The following PHACTR4 variants were observed in gnomAD, a reference collection of about 807,000 sequenced individuals.
PHACTR4 encodes protein phosphatase 1, regulatory subunit 124.
A neutral mutation model predicts 72.7 loss-of-function variants in PHACTR4; 51 were observed. That is an observed-to-expected ratio of 0.70 (90% CI 0.56 to 0.89). PHACTR4 has a LOEUF of 0.89. Among genes scored for constraint, PHACTR4 ranks in the 40% least tolerant of loss-of-function variants. The probability of loss-of-function intolerance (pLI) is 0.00; values close to 1 mark genes in which losing one functional copy is unlikely to be tolerated. For synonymous variants in PHACTR4, 255 were observed against 302.5 expected (o/e 0.84, Z 1.63); for missense variants, 731 against 861.8 (o/e 0.85, Z 1.90).
rs1658122712 is a variant in PHACTR4, at chr1:28,453,412, A to G, written c.17-5673A>G. ...CATTATAAGAAAAAGTTGAAAACGAAAAAAAGAGAAAACACAAGGAAAAGT... is the reference window on the plus strand; with the variant it reads ...CATTATAAGAAAAAGTTGAAAACGAGAAAAAGAGAAAACACAAGGAAAAGT... On this transcript the variant is annotated intron_variant, in intron 2 of 13. Coordinates refer to ENST00000373839, the MANE Select transcript of PHACTR4 (RefSeq NM_001048183.3). 1.1e-5 allele frequency: 3 copies of G among 262,798 alleles called. No individual in the cohort carries two copies. In the South Asian group the frequency reaches 3.1e-4, roughly 27 times the overall value. 16.3% of individuals were successfully genotyped at this position (262,798 alleles called of 1,614,324 possible).
chr1:28,428,922 C>T (rs1430533133), intron 2 of PHACTR4, among the ~76,000 whole-genome samples: 1 of 152,132 alleles, frequency 6.6e-6, no homozygotes, highest in Non-Finnish European at 1.5e-5. Context: ...TCCAGAGTAA[C>T]CTAATCAGTA....
chr1:28,369,896 C>A, intron 1 of PHACTR4, 71 bp downstream of exon 1: 1 of 405,250 alleles, frequency 2.5e-6, no homozygotes, highest in South Asian at 1.8e-5. Context: ...TCTCAGGCTG[C>A]GGCCCCTTTC....
rs1445299000 is a variant in PHACTR4 at position 28,407,395 on chromosome 1, T to A, written c.-38-15T>A. On this transcript the variant is annotated splice_polypyrimidine_tract_variant and intron_variant, in intron 1 of 13. Coordinates refer to ENST00000373839, the MANE Select transcript of PHACTR4 (RefSeq NM_001048183.3). ...ATATGTATTAAGTGTATCATTTACC[T>A]TTTTCTCTTTTTAGAAACAGTATCT... 3 of 1,492,062 alleles carry A rather than the reference T, an allele frequency of 2.0e-6. No homozygotes were observed. Among genetic ancestry groups the A allele is most frequent in the African/African-American group, 1.4e-5 (1 of 71,374 alleles). 92.4% of individuals were successfully genotyped at this position (1,492,062 alleles called of 1,614,324 possible).
Position 28,480,558 on chromosome 1 carries a change from G to A in PHACTR4, c.1714G>A (p.Glu572Lys), listed in dbSNP as rs1660216945. The change falls in exon 9 of 14, where the codon GAG becomes AAG. Residue 572 changes from glutamate to lysine, a missense_variant. Glu to Lys is a moderately conservative substitution (Grantham distance 56). Around this residue, in one of 2 missense-constraint regions of PHACTR4, gnomAD observed 110 missense variants for 185.2 expected, o/e 0.59. Coordinates refer to ENST00000373839, the MANE Select transcript of PHACTR4 (RefSeq NM_001048183.3). ...NLNSWPCKSK[E>K]EWNEIRHQIG... is the part of the protein sequence containing the mutation. ...GAATTCTTGGCCTTGTAAAAGCAAG[G>A]AGGAGTGGAATGAAATACGGCACCA... 6.2e-7 allele frequency: 1 copy of A among 1,614,172 alleles called. No homozygotes were observed. The highest frequency in any genetic ancestry group is 1.7e-5 in the Admixed American group (1 of 60,010).
chr1:28,495,615 T>C (rs1661297083), intron 13 of PHACTR4, among the ~76,000 whole-genome samples: 1 of 141,886 alleles, frequency 7.0e-6, no homozygotes, highest in Non-Finnish European at 1.5e-5. Context: ...ATTTATTTAT[T>C]TTTTTTTTTT....
intron 3 of PHACTR4, 74 bp downstream of exon 3, chr1:28,459,332 C>T: frequency 4.5e-6 from 6 of 1,322,850 alleles, no homozygotes; most frequent in Non-Finnish European, 6.2e-6. Context: ...TTTTCCTTAT[C>T]TTCCCAAGTT....
At chr1:28,400,966 G>A (rs1653901548) in intron 1 of PHACTR4, among the ~76,000 whole-genome samples, 1 of 152,160 alleles carries the variant, frequency 6.6e-6, no homozygotes, top group Non-Finnish European at 1.5e-5. Context: ...TTGTTCCCAT[G>A]GCTGTCTTGA....
chr1:28,447,446 G>C (rs572868799), intron 2 of PHACTR4, among the ~76,000 whole-genome samples: 69 of 149,752 alleles, frequency 4.6e-4, no homozygotes, highest in Admixed American at 3.5e-3. Flanking sequence ...CTGGAGTGCA[G>C]TGGCACGATC....
At chr1:28,393,522 C>T (rs1314815158) in intron 1 of PHACTR4, among the ~76,000 whole-genome samples, 2 of 152,098 alleles carry the variant, frequency 1.3e-5, no homozygotes, top group Non-Finnish European at 2.9e-5. Context: ...GCATTACTCA[C>T]GTTTGTGGTA....
intron 2 of PHACTR4, among the ~76,000 whole-genome samples, chr1:28,444,244 T>TG (rs1657269951): frequency 1.3e-5 from 1 of 78,524 alleles, no homozygotes; most frequent in African/African-American, 5.7e-5. Context: ...TTTTTTTTTT[T>TG]GAGACAGAGT....
intron 2 of PHACTR4, among the ~76,000 whole-genome samples, chr1:28,455,198 C>CTTTCT (rs1250815977): frequency 0.2 from 17,557 of 86,496 alleles, 2,309 homozygotes; most frequent in Non-Finnish European, 0.24. Context: ...TTCTTTCTTT[C>CTTTCT]TTTTTTTTTT....
At chr1:28,375,471 C>T (rs1651584140) in intron 1 of PHACTR4, among the ~76,000 whole-genome samples, 2 of 151,966 alleles carry the variant, frequency 1.3e-5, no homozygotes, top group South Asian at 4.1e-4. Context: ...TATGTTTATC[C>T]CAGGAGTTTG....
intron 1 of PHACTR4, among the ~76,000 whole-genome samples, chr1:28,374,028 CA>C (rs1651455279): frequency 6.6e-6 from 1 of 152,128 alleles, no homozygotes; most frequent in African/African-American, 2.4e-5. Context: ...CCAATTAAGG[CA>C]AATTGATTTA....
At chr1:28,492,977 C>G (rs747692068) in intron 12 of PHACTR4, 38 bp from the exon 13 acceptor site, 32 of 1,541,684 alleles carry the variant, frequency 2.1e-5, no homozygotes, top group Non-Finnish European at 2.8e-5. Flanking sequence ...TGCAAAGCAG[C>G]CAGAAGAAGC....
Position 28,493,012 on chromosome 1 carries a change from C to T in PHACTR4, c.2017-3C>T, listed in dbSNP as rs775917749. Reference sequence around the variant, plus strand: ...CTGAAACATTTTTGTCTCTACTCCACAGGCTGCCATAAGAAAAGAATTAAA... The same window carrying T: ...CTGAAACATTTTTGTCTCTACTCCATAGGCTGCCATAAGAAAAGAATTAAA... On this transcript the variant is annotated splice_polypyrimidine_tract_variant and splice_region_variant and intron_variant, in intron 12 of 13. Coordinates refer to ENST00000373839, the MANE Select transcript of PHACTR4 (RefSeq NM_001048183.3). 12 of 1,610,398 alleles carry T rather than the reference C, an allele frequency of 7.5e-6. No homozygotes were observed. Among genetic ancestry groups the T allele is most frequent in the Admixed American group, 5.0e-5 (3 of 59,966 alleles).
chr1:28,489,267 G>C (rs1171973681), intron 10 of PHACTR4, 42 bp downstream of exon 10: 1 of 1,533,846 alleles, frequency 6.5e-7, no homozygotes, highest in Non-Finnish European at 9.0e-7. Flanking sequence ...GATTTTCTTT[G>C]TATGTTTCTG....
intron 2 of PHACTR4, chr1:28,438,171 GT>G (rs34320456): frequency 0.036 from 46,584 of 1,276,888 alleles, 2,513 homozygotes; most frequent in African/African-American, 0.25. Context: ...AAGAGTGCCA[GT>G]GTGAAGACAG....
chr1:28,450,160 G>C (rs1657834145), intron 2 of PHACTR4, among the ~76,000 whole-genome samples: 1 of 152,104 alleles, frequency 6.6e-6, no homozygotes, highest in Non-Finnish European at 1.5e-5. Flanking sequence ...TGTCAACTCT[G>C]TGACGTGCTT....
chr1:28,444,879 G>A (rs1450101512), intron 2 of PHACTR4, among the ~76,000 whole-genome samples: 3 of 149,168 alleles, frequency 2.0e-5, no homozygotes, highest in South Asian at 4.2e-4. Context: ...CACTTGCCTC[G>A]GCATCCCAAA....
Sources: gnomAD v4.1 joint callset for allele counts (sites outside exome capture counted in the v4.1 genomes callset) on GRCh38, gnomAD v4.1.1 for gene constraint, gnomAD v4.1.1 regional missense constraint, MANE v1.5 for transcripts, NCBI Gene and HGNC (gene_info 2026-07-23, HGNC 2026-07-21) for gene names.